GALNT15: variants seen among roughly 807,000 people sequenced by gnomAD.
GALNT15 encodes the protein UDP-GalNAc transferase T15.
GALNT15 carries 67 observed loss-of-function variants against 66.8 expected under a neutral mutation model. That is an observed-to-expected ratio of 1.00 (90% CI 0.82 to 1.23). GALNT15 has a LOEUF of 1.23. Ranked by LOEUF, GALNT15 falls within the 50% of genes most tolerant of loss-of-function variation. GALNT15 has a pLI of 0.00. For synonymous variants in GALNT15, 313 were observed against 311.5 expected (o/e 1.00, Z -0.05); for missense variants, 827 against 804.3 (o/e 1.03, Z -0.34).
intron 8 of GALNT15, among the ~76,000 whole-genome samples, chr3:16,221,722 T>C (rs2063944500): frequency 1.3e-5 from 2 of 152,148 alleles, no homozygotes; most frequent in African/African-American, 4.8e-5. Context: ...CTACAGGGGC[T>C]TTGAGTAGGA....
downstream of GALNT15, among the ~76,000 whole-genome samples, chr3:16,232,683 G>T (rs746850823): frequency 6.6e-6 from 1 of 150,862 alleles, no homozygotes; most frequent in Non-Finnish European, 1.5e-5. Flanking sequence ...CACCTTGATA[G>T]TATTTGATCC....
intron 5 of GALNT15, 115 bp from the exon 6 acceptor site, chr3:16,212,454 T>C (rs961770094): frequency 1.9e-5 from 17 of 913,836 alleles, no homozygotes; most frequent in Non-Finnish European, 2.5e-5. Context: ...ATCTTCACCA[T>C]TGAGTGCTCA....
intron 6 of GALNT15, among the ~76,000 whole-genome samples, chr3:16,218,572 C>T (rs1331447817): frequency 2.0e-5 from 3 of 152,058 alleles, no homozygotes; most frequent in African/African-American, 7.2e-5. Context: ...TAGTGTAGCC[C>T]AAAAGAATGA....
chr3:16,214,960 C>G (rs1165821374), intron 6 of GALNT15, among the ~76,000 whole-genome samples: 1 of 152,194 alleles, frequency 6.6e-6, no homozygotes, highest in Non-Finnish European at 1.5e-5. Context: ...CTATTTTTCT[C>G]TCTTGGGATT....
At chr3:16,233,486 A>C (rs1254079978), downstream of GALNT15, among the ~76,000 whole-genome samples, 1 of 151,784 alleles carries the variant, frequency 6.6e-6, no homozygotes, top group Admixed American at 6.6e-5. Context: ...CATTCTGTCC[A>C]CTAGTTCTGC....
rs2063540854 is a variant in GALNT15 at position 16,188,539 on chromosome 3, G to T, written c.540-7221G>T. Among the ~76,000 whole-genome samples, 1 of 152,190 alleles carries T rather than the reference G, an allele frequency of 6.6e-6. No homozygotes were observed. Among genetic ancestry groups the T allele is most frequent in the Non-Finnish European group, 1.5e-5 (1 of 68,024 alleles). ...TCGGGCTCACTGAAGCACCCACAGG[G>T]CAAGAGTCACATCTCCCTGGCTGGT... On this transcript the variant is annotated intron_variant, in intron 1 of 9. Transcript: ENST00000339732. This position sits in a 1 kb window ranked among gnomAD's most constrained non-coding sequence, Gnocchi z 4.6.
In GALNT15 at chr3:16,228,097, C is replaced by T; in HGVS notation, c.*597C>T. 1.0e-6 allele frequency: 1 copy of T among 986,062 alleles called. No individual in the cohort carries two copies. Among genetic ancestry groups the T allele is most frequent in the Non-Finnish European group, 1.2e-6 (1 of 830,104 alleles). 61.1% of individuals were successfully genotyped at this position (986,062 alleles called of 1,614,324 possible). A position where few individuals can be genotyped will look rare whatever the true frequency, so the allele number is the denominator to read the frequency against. ...AGAGCACTTTGGCCCAATTCTCCAG[C>T]TCAACCCAGCAGCTGAAAAGCTTCA... On this transcript the variant is annotated 3_prime_UTR_variant, in exon 10 of 10. Transcript: ENST00000339732.
rs55727994 is a variant in GALNT15, at chr3:16,219,915, C to A, written c.1530C>A (p.His510Gln). The change falls in exon 8 of 10, where the codon CAC becomes CAA. Residue 510 changes from histidine (H) to glutamine (Q), a missense_variant. Transcript: ENST00000339732. This position sits in a 1 kb window ranked among gnomAD's most constrained non-coding sequence, Gnocchi z 4.3. ...EPRPSFSGKL[H>Q]NTGLGLCADC... Reference sequence around the variant, plus strand: ...GTGTGTGTGTCCACTTTCAGCTCCACAACACTGGACTTGGGCTCTGTGCAG... The same window carrying A: ...GTGTGTGTGTCCACTTTCAGCTCCAAAACACTGGACTTGGGCTCTGTGCAG... The A allele has an allele frequency of 3.3e-5, 54 of 1,613,478 alleles. No individual in the cohort carries two copies. Among genetic ancestry groups the A allele is most frequent in the Non-Finnish European group, 4.5e-5 (53 of 1,179,500 alleles).
At chr3:16,247,814 C>T in the GALNT15 span, among the ~76,000 whole-genome samples, 1 of 152,238 alleles carries the variant, frequency 6.6e-6, no homozygotes, top group African/African-American at 2.4e-5. Flanking sequence ...CCCTCCCGGA[C>T]CCAGCACCTT....
chr3:16,195,885 T>G lies in GALNT15; in HGVS notation c.665T>G (p.Phe222Cys). The change falls in exon 2 of 10, where the codon TTC becomes TGC. Residue 222 changes from phenylalanine (F) to cysteine (C), a missense_variant. Transcript: ENST00000339732. This position sits in a 1 kb window ranked among gnomAD's most constrained non-coding sequence, Gnocchi z 4.6. ...ATCCTCGACACAGTGCCCAGGGCCT[T>G]CCTGAAGGAGATCATCCTCGTGGAC... ...HSILDTVPRAFLKEIILVDDL... is the reference protein window; with the variant it reads ...HSILDTVPRACLKEIILVDDL... 6.2e-7 allele frequency: 1 copy of G among 1,614,118 alleles called. No homozygotes were observed. Among genetic ancestry groups the G allele is most frequent in the Non-Finnish European group, 8.5e-7 (1 of 1,180,004 alleles).
In GALNT15 at chr3:16,198,643, A is replaced by C; in HGVS notation, c.707-1976A>C. On this transcript the variant is annotated intron_variant, in intron 2 of 9. Transcript: ENST00000339732. ...GAGATTCCTCTCTAGGGAGTGGACC[A>C]GGGCTGACAGTCTTACCAGAAAAAT... Among the ~76,000 whole-genome samples the C allele has an allele frequency of 1.4e-5, 2 of 143,198 alleles. 1 individual carries two copies. Among genetic ancestry groups the C allele is most frequent in the Non-Finnish European group, 3.1e-5 (2 of 64,494 alleles). 93.9% of individuals were successfully genotyped at this position (143,198 alleles called of 152,430 possible).
Position 16,175,713 on chromosome 3 carries a change from C to T in GALNT15, c.539+23C>T, listed in dbSNP as rs1559672533. On this transcript the variant is annotated intron_variant, in intron 1 of 9. Coordinates refer to ENST00000339732, the MANE Select transcript of GALNT15 (RefSeq NM_054110.5). The surrounding 1 kb of genome is among the most constrained non-coding windows in gnomAD (Gnocchi z 5.6). ...ACTGTAAGTAAGGCCCTTGTTTTCC[C>T]TTCCCTGATCCCAGGGCATGATCGG... 1.3e-6 allele frequency: 2 copies of T among 1,534,256 alleles called. No individual in the cohort carries two copies. Among genetic ancestry groups the T allele is most frequent in the South Asian group, 1.2e-5 (1 of 80,102 alleles).
At chr3:16,207,590 C>G (rs561032419) in intron 3 of GALNT15, among the ~76,000 whole-genome samples, 9 of 82,850 alleles carry the variant, frequency 1.1e-4, no homozygotes, top group Non-Finnish European at 5.1e-5. Context: ...GCAAATAACC[C>G]AAAATAGTCA....
At position 16,195,862 on chromosome 3, in the gene GALNT15, C is replaced by G. The variant is rs374342216; in HGVS notation, c.642C>G (p.Ile214Met). ...WSTLLRTVHS[I>M]LDTVPRAFLK... Reference sequence around the variant, plus strand: ...CTCTCCTGCGGACTGTACACAGCATCCTCGACACAGTGCCCAGGGCCTTCC... The same window carrying G: ...CTCTCCTGCGGACTGTACACAGCATGCTCGACACAGTGCCCAGGGCCTTCC... The change falls in exon 2 of 10, where the codon ATC becomes ATG. Residue 214 changes from isoleucine to methionine, a missense_variant. By Grantham distance (10) the Ile-to-Met change is conservative. Coordinates refer to ENST00000339732, the MANE Select transcript of GALNT15 (RefSeq NM_054110.5). The surrounding 1 kb of genome is among the most constrained non-coding windows in gnomAD (Gnocchi z 4.6). 1 of 1,614,186 alleles carries G rather than the reference C, an allele frequency of 6.2e-7. No homozygotes were observed. The highest frequency in any genetic ancestry group is 8.5e-7 in the Non-Finnish European group (1 of 1,180,016).
In GALNT15 at chr3:16,203,053, A is replaced by G. The variant is rs1451756892; in HGVS notation, c.911+2230A>G. On this transcript the variant is annotated intron_variant, in intron 3 of 9. Transcript: ENST00000339732. The surrounding 1 kb of genome is among the most constrained non-coding windows in gnomAD (Gnocchi z 6.2). Reference sequence around the variant, plus strand: ...CCCCCATGAGAGGCCTCAGGCAGGTATTTTAGCTTCTGTTTTATAGGGGGA... The same window carrying G: ...CCCCCATGAGAGGCCTCAGGCAGGTGTTTTAGCTTCTGTTTTATAGGGGGA... Among the ~76,000 whole-genome samples the G allele has an allele frequency of 2.6e-5, 4 of 152,158 alleles. No individual in the cohort carries two copies. Among genetic ancestry groups the G allele is most frequent in the Admixed American group, 2.6e-4 (4 of 15,280 alleles).
At chr3:16,232,510 ATTTATTT>A (rs1559698448), downstream of GALNT15, among the ~76,000 whole-genome samples, 40 of 70,534 alleles carry the variant, frequency 5.7e-4, 1 homozygote, top group African/African-American at 2.2e-3. Context: ...ATATATATAT[ATTTATTT>A]AAAAGAGACA....
At chr3:16,230,953 C>A (rs1012671677), downstream of GALNT15, among the ~76,000 whole-genome samples, 26 of 152,118 alleles carry the variant, frequency 1.7e-4, no homozygotes, top group Non-Finnish European at 3.5e-4. The surrounding 1 kb of genome is among the most constrained non-coding windows in gnomAD (Gnocchi z 4.5). Context: ...CCATGGAATA[C>A]TATGCAGCCA....
At position 16,228,634 on chromosome 3, in the gene GALNT15, C is replaced by A. The variant is rs842281; in HGVS notation, c.*1134C>A. 0.36 allele frequency: 337,850 copies of A among 942,242 alleles called. 58,352 individuals are homozygous for A. Among genetic ancestry groups the A allele is most frequent in the Admixed American group, 0.46 (5,890 of 12,780 alleles). The allele number at this position is 942,242 out of a possible 1,614,324, so 58.4% of individuals were successfully genotyped here. A position where few individuals can be genotyped will look rare whatever the true frequency, so the allele number is the denominator to read the frequency against. On this transcript the variant is annotated 3_prime_UTR_variant, in exon 10 of 10. Coordinates refer to ENST00000339732, the MANE Select transcript of GALNT15 (RefSeq NM_054110.5). Reference sequence around the variant, plus strand: ...CCAACCTGGGTGACAGAGTGAGACTCCATCTCAAAAAAAAAAAAAAAGAGA... The same window carrying A: ...CCAACCTGGGTGACAGAGTGAGACTACATCTCAAAAAAAAAAAAAAAGAGA...
At chr3:16,179,240 G>T (rs765074505) in intron 1 of GALNT15, among the ~76,000 whole-genome samples, 13 of 152,320 alleles carry the variant, frequency 8.5e-5, no homozygotes, top group South Asian at 6.2e-4. Context: ...CTCTAAGGTA[G>T]GTTTCATTTC....
Sources: gnomAD v4.1 joint callset for allele counts (sites outside exome capture counted in the v4.1 genomes callset) on GRCh38, gnomAD v4.1.1 for gene constraint, Gnocchi (gnomAD v3.1) non-coding constraint, MANE v1.5 for transcripts, NCBI Gene and HGNC (gene_info 2026-07-23, HGNC 2026-07-21) for gene names.